The following GALNTL6 variants were observed in gnomAD, a reference collection of about 807,000 sequenced individuals.
The protein encoded by GALNTL6 is polypeptide N-acetylgalactosaminyltransferase-like 6.
In GALNTL6, 46 loss-of-function variants were observed where a neutral mutation model predicts 73.7. The observed-to-expected ratio is 0.62, with a 90% confidence interval of 0.49 to 0.80. GALNTL6 has a LOEUF of 0.80. GALNTL6 is among the 30% of genes least tolerant of loss of function. The pLI, the probability that GALNTL6 is intolerant of heterozygous loss-of-function variation, is 0.00. For missense variants in GALNTL6, 604 were observed against 755.0 expected (o/e 0.80, Z 2.34); for synonymous variants, 259 against 263.7 (o/e 0.98, Z 0.17).
Position 172,455,931 on chromosome 4 carries a change from A to G in GALNTL6, c.553+107242A>G, listed in dbSNP as rs200028481. Among the ~76,000 whole-genome samples the G allele has an allele frequency of 7.7e-4, 118 of 152,278 alleles. 2 individuals are homozygous for G. The South Asian group carries it at 0.016, about 21-fold the overall frequency. Reference sequence around the variant, plus strand: ...GACACCTCCCAGCAGGGGTCAACAGACACCTCATACAGGAGAGCTCCAGCT... The same window carrying G: ...GACACCTCCCAGCAGGGGTCAACAGGCACCTCATACAGGAGAGCTCCAGCT... On this transcript the variant is annotated intron_variant, in intron 5 of 12. Coordinates refer to ENST00000506823, the MANE Select transcript of GALNTL6 (RefSeq NM_001034845.3).
In GALNTL6 at chr4:171,840,338, T is replaced by C. The variant is rs554291590; in HGVS notation, c.138+25620T>C. Among the ~76,000 whole-genome samples, 3 of 152,278 alleles carry C rather than the reference T, an allele frequency of 2.0e-5. No individual in the cohort carries two copies. The East Asian group carries it at 5.8e-4, about 29-fold the overall frequency. ...AGTGCTGGCCTTAGGCCTGGGCCCA[T>C]AGTTGAGGTCTCAGCATCTCACAGT... On this transcript the variant is annotated intron_variant, in intron 2 of 12. Coordinates refer to ENST00000506823, the MANE Select transcript of GALNTL6 (RefSeq NM_001034845.3).
At chr4:171,990,930 C>T (rs1168110370) in intron 2 of GALNTL6, among the ~76,000 whole-genome samples, 1 of 151,952 alleles carries the variant, frequency 6.6e-6, no homozygotes, top group Non-Finnish European at 1.5e-5. Context: ...TTGGCCTATG[C>T]AATACAAGAA....
chr4:172,838,357 G>A (rs1204682769), intron 7 of GALNTL6, among the ~76,000 whole-genome samples: 1 of 152,218 alleles, frequency 6.6e-6, no homozygotes, highest in Admixed American at 6.5e-5. Context: ...GTGTCCGGTG[G>A]GCGGAGTCCA....
At chr4:172,881,530 T>C (rs969465320) in intron 7 of GALNTL6, among the ~76,000 whole-genome samples, 8 of 152,188 alleles carry the variant, frequency 5.3e-5, no homozygotes, top group African/African-American at 1.9e-4. Flanking sequence ...AAATATATAA[T>C]ACACTTAGAC....
At chr4:172,591,440 TTAAAG>T (rs1453400421) in intron 5 of GALNTL6, among the ~76,000 whole-genome samples, 1 of 152,166 alleles carries the variant, frequency 6.6e-6, no homozygotes, top group Non-Finnish European at 1.5e-5. Flanking sequence ...AGATTTTAAT[TTAAAG>T]TATTGTTCTA....
At chr4:172,788,476 T>C (rs1579483035) in intron 5 of GALNTL6, among the ~76,000 whole-genome samples, 1 of 151,838 alleles carries the variant, frequency 6.6e-6, no homozygotes, top group Non-Finnish European at 1.5e-5. Context: ...ATCGAGACCA[T>C]CCTGGCTAAC....
intron 2 of GALNTL6, among the ~76,000 whole-genome samples, chr4:172,142,127 T>TA (rs1733819684): frequency 6.6e-6 from 1 of 151,990 alleles, no homozygotes; most frequent in Non-Finnish European, 1.5e-5. Context: ...TATTCTAAAT[T>TA]ATAGAAATAA....
chr4:172,291,821 G>A lies in GALNTL6; in HGVS notation c.248-19793G>A, dbSNP rs556810887. On this transcript the variant is annotated intron_variant, in intron 3 of 12. Coordinates refer to ENST00000506823, the MANE Select transcript of GALNTL6 (RefSeq NM_001034845.3). ...TATACAAGAGGCTAAAAAAAATTCT[G>A]CCAAAATTATATTTTAATAAAAGCA... Among the ~76,000 whole-genome samples the A allele has an allele frequency of 9.1e-4, 136 of 149,186 alleles. 1 individual carries two copies. The highest frequency in any genetic ancestry group is 3.2e-3 in the African/African-American group (131 of 40,484).
chr4:171,908,225 A>G (rs1391682115), intron 2 of GALNTL6, among the ~76,000 whole-genome samples: 2 of 151,934 alleles, frequency 1.3e-5, no homozygotes, highest in Non-Finnish European at 2.9e-5. Context: ...AAAATGGGAG[A>G]AAATTTTCAC....
chr4:171,916,466 T>G (rs1168993748), intron 2 of GALNTL6, among the ~76,000 whole-genome samples: 1 of 152,144 alleles, frequency 6.6e-6, no homozygotes, highest in Non-Finnish European at 1.5e-5. Context: ...GGAAATGCAT[T>G]GGAATAAATC....
intron 5 of GALNTL6, among the ~76,000 whole-genome samples, chr4:172,717,550 A>G (rs1400178995): frequency 2.0e-5 from 3 of 152,192 alleles, no homozygotes; most frequent in African/African-American, 4.8e-5. Flanking sequence ...AGGAATGCCT[A>G]TTTTAGGGTT....
intron 5 of GALNTL6, among the ~76,000 whole-genome samples, chr4:172,555,178 A>T (rs554749101): frequency 6.6e-6 from 1 of 152,304 alleles, no homozygotes; most frequent in East Asian, 1.9e-4. Context: ...ATCAATTTTT[A>T]AAAATCTATC....
At chr4:172,372,552 G>T (rs1742857195) in intron 5 of GALNTL6, among the ~76,000 whole-genome samples, 1 of 152,174 alleles carries the variant, frequency 6.6e-6, no homozygotes. Context: ...TCCTTACTTA[G>T]GTATGCCACT....
intron 2 of GALNTL6, among the ~76,000 whole-genome samples, chr4:172,178,621 A>G (rs1272795903): frequency 6.6e-6 from 1 of 150,534 alleles, no homozygotes; most frequent in Non-Finnish European, 1.5e-5. Flanking sequence ...ATGGCTGCAT[A>G]GTATTCCATG....
At chr4:171,838,064 T>G (rs1735145889) in intron 2 of GALNTL6, among the ~76,000 whole-genome samples, 1 of 151,978 alleles carries the variant, frequency 6.6e-6, no homozygotes, top group Admixed American at 6.6e-5. Context: ...GTTTCTTTAT[T>G]TGCTTTATTG....
intron 5 of GALNTL6, among the ~76,000 whole-genome samples, chr4:172,617,533 G>A (rs1579248283): frequency 1.3e-5 from 2 of 151,854 alleles, no homozygotes; most frequent in African/African-American, 4.8e-5. Context: ...CTGGAGAGTA[G>A]TGGCACGATC....
chr4:172,027,082 A>G (rs1741611483), intron 2 of GALNTL6, among the ~76,000 whole-genome samples: 1 of 152,028 alleles, frequency 6.6e-6, no homozygotes, highest in African/African-American at 2.4e-5. Flanking sequence ...TTGTAGAAAC[A>G]GAGTTTCACC....
intron 2 of GALNTL6, among the ~76,000 whole-genome samples, chr4:172,133,010 T>A (rs1733541924): frequency 6.6e-6 from 1 of 152,192 alleles, no homozygotes; most frequent in South Asian, 2.1e-4. Flanking sequence ...TAGAAACTAC[T>A]TACAGGATTT....
At chr4:172,085,017 C>A (rs998193638) in intron 2 of GALNTL6, among the ~76,000 whole-genome samples, 2 of 151,646 alleles carry the variant, frequency 1.3e-5, no homozygotes, top group African/African-American at 4.8e-5. Flanking sequence ...AGAGGGTGTC[C>A]CTAAACAAGA....
Sources: gnomAD v4.1 joint callset for allele counts (sites outside exome capture counted in the v4.1 genomes callset) on GRCh38, gnomAD v4.1.1 for gene constraint, MANE v1.5 for transcripts, NCBI Gene and HGNC (gene_info 2026-07-23, HGNC 2026-07-21) for gene names.